Variants in PARD3 observed in about 807,000 individuals in gnomAD.
The protein encoded by PARD3 is partitioning defective 3 homolog.
A neutral mutation model predicts 155.4 loss-of-function variants in PARD3; 75 were observed. That is an observed-to-expected ratio of 0.48 (90% CI 0.40 to 0.58). The LOEUF (loss-of-function observed/expected upper bound fraction) is 0.58. Ranked by LOEUF, PARD3 falls within the 20% of genes least tolerant of loss-of-function variation. The pLI is 0.00. For synonymous variants in PARD3, 576 were observed against 610.5 expected (o/e 0.94, Z 0.83); for missense variants, 1,642 against 1,721.7 (o/e 0.95, Z 0.82).
chr10:34,681,756 A>G lies in PARD3; in HGVS notation c.222+14562T>C, dbSNP rs1372651858. Among the ~76,000 whole-genome samples the G allele has an allele frequency of 1.6e-4, 3 of 18,934 alleles. No individual in the cohort carries two copies. The Admixed American group carries it at 2.3e-3, about 15-fold the overall frequency. The allele number at this position is 18,934 out of a possible 152,430, so 12.4% of individuals were successfully genotyped here. A position where few individuals can be genotyped will look rare whatever the true frequency, so the allele number is the denominator to read the frequency against. On this transcript the variant is annotated intron_variant, in intron 2 of 24. Coordinates refer to ENST00000374788, the MANE Select transcript of PARD3 (RefSeq NM_001184785.2). ...TATATATATATATATATATATATATATATATATATATATTTTTTTTTTTTT... is the reference window on the plus strand; with the variant it reads ...TATATATATATATATATATATATATGTATATATATATATTTTTTTTTTTTT...
intron 5 of PARD3, among the ~76,000 whole-genome samples, chr10:34,425,847 T>C (rs1589527767): frequency 6.6e-6 from 1 of 152,342 alleles, no homozygotes; most frequent in Admixed American, 6.5e-5. Flanking sequence ...GCAGCTTTAG[T>C]GTTTTGGGCA....
Position 34,331,108 on chromosome 10 carries a change from T to C in PARD3, c.2833+9A>G. The C allele has an allele frequency of 1.9e-6, 3 of 1,600,196 alleles. No individual in the cohort carries two copies. Among genetic ancestry groups the C allele is most frequent in the Non-Finnish European group, 1.7e-6 (2 of 1,167,354 alleles). ...TTAATTATTATTCTTTCAGCCATTA[T>C]AAACTTACAGGTCTCCATGCCTTCA... On this transcript the variant is annotated intron_variant, in intron 19 of 24. Transcript: ENST00000374788.
intron 3 of PARD3, among the ~76,000 whole-genome samples, chr10:34,491,392 A>G (rs986694177): frequency 6.6e-6 from 1 of 152,232 alleles, no homozygotes; most frequent in Non-Finnish European, 1.5e-5. Flanking sequence ...CTTTAATTTG[A>G]AAAAGTTATA....
chr10:34,778,370 G>A (rs1157921356), intron 1 of PARD3, among the ~76,000 whole-genome samples: 2 of 152,220 alleles, frequency 1.3e-5, no homozygotes, highest in African/African-American at 4.8e-5. Flanking sequence ...TTGGCAAGTA[G>A]TTGGCAATTT....
Position 34,331,272 on chromosome 10 carries a change from G to A in PARD3, c.2678C>T (p.Ala893Val). ...CCCATTCAAAGTCACCTCGGCAACT[G>A]CGGTCTGCAGACTCTCCAACGAGCT... ...KSSSLESLQT[A>V]VAEVTLNGDI... The change falls in exon 19 of 25, where the codon GCA (alanine) becomes GTA (valine). Residue 893 changes from alanine (A) to valine (V), a missense_variant. Ala to Val is a moderately conservative substitution (Grantham distance 64). This residue lies in a region of PARD3 where 1,529 missense variants were observed against 1,587.3 expected (regional missense o/e 0.96). Coordinates refer to ENST00000374788, the MANE Select transcript of PARD3 (RefSeq NM_001184785.2). 1 of 1,613,980 alleles carries A rather than the reference G, an allele frequency of 6.2e-7. No individual in the cohort carries two copies. The highest frequency in any genetic ancestry group is 8.5e-7 in the Non-Finnish European group (1 of 1,179,936).
chr10:34,623,431 C>T (rs1031791935), intron 2 of PARD3, among the ~76,000 whole-genome samples: 16 of 152,154 alleles, frequency 1.1e-4, no homozygotes, highest in African/African-American at 3.4e-4. Flanking sequence ...TCAATAATTA[C>T]GTTCAGTTTT....
chr10:34,772,702 G>T (rs1271998689), intron 1 of PARD3, among the ~76,000 whole-genome samples: 2 of 149,572 alleles, frequency 1.3e-5, no homozygotes, highest in African/African-American at 2.5e-5. Context: ...GCTGAGGCAG[G>T]AGAATTGCTT....
intron 22 of PARD3, among the ~76,000 whole-genome samples, chr10:34,176,613 T>C (rs1352989089): frequency 6.6e-6 from 1 of 152,142 alleles, no homozygotes; most frequent in African/African-American, 2.4e-5. Context: ...CCCTATAATC[T>C]CCACTCCCGG....
chr10:34,517,861 TCA>T (rs1466486687), intron 2 of PARD3, among the ~76,000 whole-genome samples: 1 of 152,094 alleles, frequency 6.6e-6, no homozygotes, highest in Non-Finnish European at 1.5e-5. Flanking sequence ...CAGTATGAGC[TCA>T]GTTTTTGTTT....
At chr10:34,777,024 TGTATC>T (rs1839667407) in intron 1 of PARD3, among the ~76,000 whole-genome samples, 3 of 148,578 alleles carry the variant, frequency 2.0e-5, no homozygotes, top group African/African-American at 7.5e-5. Context: ...TTTTTTTTTT[TGTATC>T]TTTAGTAGAG....
intron 2 of PARD3, among the ~76,000 whole-genome samples, chr10:34,602,993 T>C (rs1428939287): frequency 1.3e-5 from 2 of 152,308 alleles, no homozygotes; most frequent in South Asian, 4.1e-4. Flanking sequence ...TGACACATAA[T>C]AGTGCTGTGG....
intron 22 of PARD3, among the ~76,000 whole-genome samples, chr10:34,210,607 T>C (rs1490090830): frequency 6.6e-6 from 1 of 152,138 alleles, no homozygotes; most frequent in Non-Finnish European, 1.5e-5. Context: ...ATAGTAGATA[T>C]TAATGATCAA....
chr10:34,238,232 CAA>C (rs1354673763), intron 22 of PARD3, among the ~76,000 whole-genome samples: 1 of 152,176 alleles, frequency 6.6e-6, no homozygotes, highest in South Asian at 2.1e-4. Flanking sequence ...GATTTCTAAT[CAA>C]AGCTGATGAT....
chr10:34,719,288 C>T (rs72783646), intron 1 of PARD3, among the ~76,000 whole-genome samples: 1 of 152,150 alleles, frequency 6.6e-6, no homozygotes, highest in Non-Finnish European at 1.5e-5. Flanking sequence ...AAATGTAAAT[C>T]CAGAATTTGA....
intron 2 of PARD3, among the ~76,000 whole-genome samples, chr10:34,666,712 G>A (rs1383400161): frequency 1.5e-5 from 2 of 136,266 alleles, no homozygotes; most frequent in South Asian, 2.5e-4. Context: ...TTGTTTGGAG[G>A]ACCTAATTTG....
chr10:34,556,422 G>A (rs528814574), intron 2 of PARD3, among the ~76,000 whole-genome samples: 14 of 144,052 alleles, frequency 9.7e-5, no homozygotes, highest in East Asian at 4.1e-4. Flanking sequence ...TTGCTCTGTC[G>A]CCCAGGCTAG....
chr10:34,781,404 C>T (rs1469415542), intron 1 of PARD3, among the ~76,000 whole-genome samples: 1 of 152,136 alleles, frequency 6.6e-6, no homozygotes, highest in African/African-American at 2.4e-5. Flanking sequence ...TGGTGGTTTC[C>T]ACATGTGGAC....
intron 1 of PARD3, among the ~76,000 whole-genome samples, chr10:34,711,153 G>A (rs890246479): frequency 1.3e-4 from 20 of 151,888 alleles, no homozygotes; most frequent in African/African-American, 4.8e-4. Flanking sequence ...CTCCAGCCTG[G>A]GTAACACACC....
intron 17 of PARD3, 104 bp from the exon 18 acceptor site, chr10:34,336,347 A>G: frequency 1.3e-6 from 1 of 781,848 alleles, no homozygotes; most frequent in Non-Finnish European, 2.2e-6. Context: ...TCCTCAGCTA[A>G]TATTTCATGC....
Sources: allele counts gnomAD v4.1 joint callset (sites outside exome capture counted in the v4.1 genomes callset), GRCh38; gene constraint gnomAD v4.1.1; regional missense constraint gnomAD v4.1.1; transcripts MANE v1.5; gene names NCBI Gene and HGNC (gene_info 2026-07-23, HGNC 2026-07-21).